CLVS1: variants seen among roughly 807,000 people sequenced by gnomAD.
CLVS1 encodes clavesin-1.
CLVS1 carries 10 observed loss-of-function variants against 33.1 expected under a neutral mutation model. The ratio of observed to expected loss-of-function variants is 0.30; its 90% CI spans 0.19 to 0.51. The LOEUF (loss-of-function observed/expected upper bound fraction) is 0.51, where lower values mean the gene tolerates loss of function less well. CLVS1 is among the 20% of genes least tolerant of loss of function. The probability of loss-of-function intolerance (pLI) is 0.97; values close to 1 mark genes in which losing one functional copy is unlikely to be tolerated. For missense variants in CLVS1, 343 were observed against 433.4 expected (o/e 0.79, Z 1.85); for synonymous variants, 163 against 166.1 (o/e 0.98, Z 0.14).
intron 2 of CLVS1, among the ~76,000 whole-genome samples, chr8:61,314,556 C>A (rs568445876): frequency 6.6e-6 from 1 of 152,256 alleles, no homozygotes; most frequent in Non-Finnish European, 1.5e-5. Context: ...AATGAGGAAG[C>A]TAACCTTGGA....
At chr8:61,255,691 G>C (rs907825567) in intron 2 of CLVS1, among the ~76,000 whole-genome samples, 1 of 152,178 alleles carries the variant, frequency 6.6e-6, no homozygotes, top group South Asian at 2.1e-4. Context: ...AGAGGAGGAA[G>C]AGAGGTCAAA....
chr8:61,008,146 G>A, the CLVS1 span, among the ~76,000 whole-genome samples: 2 of 152,196 alleles, frequency 1.3e-5, no homozygotes, highest in African/African-American at 2.4e-5. Context: ...GACGCAGATC[G>A]TCATCTACTC....
chr8:61,401,025 C>A (rs1406626266), intron 3 of CLVS1, among the ~76,000 whole-genome samples: 1 of 151,242 alleles, frequency 6.6e-6, no homozygotes, highest in Non-Finnish European at 1.5e-5. Flanking sequence ...GTTTTGGTAT[C>A]TTTTTGATAT....
intron 1 of CLVS1, among the ~76,000 whole-genome samples, chr8:61,061,914 T>G (rs965804060): frequency 6.6e-6 from 1 of 152,158 alleles, no homozygotes; most frequent in African/African-American, 2.4e-5. Context: ...TATCTTTATT[T>G]CTTTGTTTTG....
intron 3 of CLVS1, among the ~76,000 whole-genome samples, chr8:61,440,318 A>C (rs1816493220): frequency 6.6e-6 from 1 of 152,246 alleles, no homozygotes; most frequent in Non-Finnish European, 1.5e-5. Flanking sequence ...TTCCTGATGC[A>C]TACTAACTGT....
chr8:60,987,352 G>T, the CLVS1 span, among the ~76,000 whole-genome samples: 10 of 152,194 alleles, frequency 6.6e-5, no homozygotes, highest in African/African-American at 2.4e-4. Flanking sequence ...AATAGCAAAT[G>T]ACATCCCAAG....
At chr8:61,278,781 C>A (rs1048808258) in intron 2 of CLVS1, among the ~76,000 whole-genome samples, 1 of 152,228 alleles carries the variant, frequency 6.6e-6, no homozygotes, top group Non-Finnish European at 1.5e-5. Context: ...GGGTCTCCCT[C>A]AGAAGAGGTG....
intron 2 of CLVS1, among the ~76,000 whole-genome samples, chr8:61,331,789 GCTT>G (rs145812233): frequency 2.8e-4 from 41 of 148,830 alleles, no homozygotes; most frequent in Admixed American, 1.2e-3. Flanking sequence ...ATTTCCTCCA[GCTT>G]CTTCTTCTTC....
At chr8:61,050,062 G>T in the CLVS1 span, among the ~76,000 whole-genome samples, 1 of 152,230 alleles carries the variant, frequency 6.6e-6, no homozygotes, top group Non-Finnish European at 1.5e-5. Context: ...TACAGCAGGT[G>T]CTGTTAGCTA....
intron 1 of CLVS1, among the ~76,000 whole-genome samples, chr8:61,062,140 A>G (rs1585580065): frequency 6.6e-6 from 1 of 152,332 alleles, no homozygotes; most frequent in South Asian, 2.1e-4. Flanking sequence ...GACCTGGGTC[A>G]AAACTCCACC....
chr8:60,973,134 A>G, the CLVS1 span, among the ~76,000 whole-genome samples: 7 of 152,226 alleles, frequency 4.6e-5, no homozygotes, highest in South Asian at 2.1e-4. Context: ...TGGAAGAGAA[A>G]GGACCCGTTG....
the CLVS1 span, among the ~76,000 whole-genome samples, chr8:61,029,007 AG>A: frequency 2.6e-5 from 4 of 152,226 alleles, no homozygotes; most frequent in Non-Finnish European, 5.9e-5. Flanking sequence ...TCCCCAGCCT[AG>A]GGTTCTTGTT....
chr8:61,376,200 A>G (rs749205899), intron 2 of CLVS1, among the ~76,000 whole-genome samples: 9 of 152,210 alleles, frequency 5.9e-5, no homozygotes, highest in Admixed American at 4.6e-4. Context: ...TTGTTCAGCA[A>G]TGATTCATTG....
intron 3 of CLVS1, among the ~76,000 whole-genome samples, chr8:61,378,942 C>T (rs1276270874): frequency 6.6e-6 from 1 of 152,094 alleles, no homozygotes; most frequent in Non-Finnish European, 1.5e-5. Context: ...CAGTACTGTG[C>T]AAGGAGGGCC....
chr8:61,432,188 C>T (rs1272394118), intron 3 of CLVS1, among the ~76,000 whole-genome samples: 1 of 152,146 alleles, frequency 6.6e-6, no homozygotes, highest in South Asian at 2.1e-4. Flanking sequence ...TGTGAGATCT[C>T]TTTCAAATGA....
At chr8:61,409,061 A>T (rs554153752) in intron 3 of CLVS1, among the ~76,000 whole-genome samples, 1 of 152,226 alleles carries the variant, frequency 6.6e-6, no homozygotes, top group Non-Finnish European at 1.5e-5. Flanking sequence ...GGTAATTTAT[A>T]AAAAACCATT....
intron 3 of CLVS1, among the ~76,000 whole-genome samples, chr8:61,392,852 A>G (rs1585906468): frequency 6.6e-6 from 1 of 152,032 alleles, no homozygotes; most frequent in Non-Finnish European, 1.5e-5. Context: ...CAAAAAAAAC[A>G]TATATTTTAA....
chr8:61,299,917 C>T lies in CLVS1; in HGVS notation c.90C>T (p.Leu30=). 1 of 1,613,634 alleles carries T rather than the reference C, an allele frequency of 6.2e-7. No individual in the cohort carries two copies. The highest frequency in any genetic ancestry group is 8.5e-7 in the Non-Finnish European group (1 of 1,179,610). The change falls in exon 2 of 6, where the codon CTC becomes CTT. Residue 30 remains leucine (L), a synonymous_variant. Transcript: ENST00000325897. ...LAKMTHLQAG[L]SPETIEKARL... ...AGATGACCCATTTACAGGCTGGACT[C>T]AGTCCAGAGACTATAGAGAAAGCTC... is the stretch of plus-strand genomic sequence containing the variant.
chr8:61,267,908 G>A (rs539022665), intron 2 of CLVS1, among the ~76,000 whole-genome samples: 1 of 152,202 alleles, frequency 6.6e-6, no homozygotes, highest in East Asian at 1.9e-4. Flanking sequence ...TTTCAAAGTC[G>A]AGCATGAAAA....
Sources: allele counts gnomAD v4.1 joint callset (sites outside exome capture counted in the v4.1 genomes callset), GRCh38; gene constraint gnomAD v4.1.1; transcripts MANE v1.5; gene names NCBI Gene and HGNC (gene_info 2026-07-23, HGNC 2026-07-21).